The following FAM193A variants were observed in gnomAD, a reference collection of about 807,000 sequenced individuals.
FAM193A encodes protein FAM193A.
FAM193A carries 22 observed loss-of-function variants against 126.5 expected under a neutral mutation model. The ratio of observed to expected loss-of-function variants is 0.17; its 90% CI spans 0.12 to 0.25. The LOEUF (loss-of-function observed/expected upper bound fraction) is 0.25, where lower values mean the gene tolerates loss of function less well. Among genes scored for constraint, FAM193A ranks in the 10% least tolerant of loss-of-function variants. The pLI is 1.00. For synonymous variants in FAM193A, 761 were observed against 646.8 expected (o/e 1.18, Z -2.68); for missense variants, 1,675 against 1,672.8 (o/e 1.00, Z -0.02).
chr4:2,659,494 AAAT>A, intron 8 of FAM193A, 61 bp from the exon 9 acceptor site: 2 of 1,144,998 alleles, frequency 1.7e-6, no homozygotes, highest in South Asian at 1.3e-5. Context: ...AATTACTGAA[AAAT>A]AATGAGCCAT....
intron 1 of FAM193A, among the ~76,000 whole-genome samples, chr4:2,590,897 C>T (rs868049771): frequency 3.3e-5 from 5 of 151,840 alleles, no homozygotes; most frequent in East Asian, 1.9e-4. Context: ...CGTGGTGGCG[C>T]GCGCCTGTAA....
At chr4:2,561,040 TCTC>T (rs1193845882) in intron 1 of FAM193A, among the ~76,000 whole-genome samples, 5 of 152,216 alleles carry the variant, frequency 3.3e-5, no homozygotes, top group South Asian at 2.1e-4. Context: ...CCATTGTAGT[TCTC>T]CTCCTGACTC....
At chr4:2,625,231 A>G in intron 2 of FAM193A, 31 bp from the exon 3 acceptor site, 4 of 654,932 alleles carry the variant, frequency 6.1e-6, no homozygotes, top group Non-Finnish European at 8.4e-6. Flanking sequence ...TTTTAACATA[A>G]CTGGTCTATT....
At chr4:2,554,734 G>A (rs1394264006) in intron 1 of FAM193A, among the ~76,000 whole-genome samples, 1 of 151,994 alleles carries the variant, frequency 6.6e-6, no homozygotes, top group African/African-American at 2.4e-5. Flanking sequence ...TTTAGCTTTT[G>A]CTTCATGTAT....
intron 2 of FAM193A, among the ~76,000 whole-genome samples, chr4:2,614,106 G>A (rs1008063452): frequency 3.3e-5 from 5 of 152,040 alleles, no homozygotes; most frequent in African/African-American, 9.7e-5. Flanking sequence ...TGATCATGTC[G>A]TCTACAAATA....
At chr4:2,623,158 C>G (rs1241373992) in intron 2 of FAM193A, among the ~76,000 whole-genome samples, 2 of 152,072 alleles carry the variant, frequency 1.3e-5, no homozygotes, top group Non-Finnish European at 2.9e-5. Flanking sequence ...CTGGCGGCAG[C>G]TGAGCTGGGT....
chr4:2,613,044 C>G (rs1741970880), intron 2 of FAM193A, among the ~76,000 whole-genome samples: 1 of 152,140 alleles, frequency 6.6e-6, no homozygotes, highest in South Asian at 2.1e-4. Context: ...GTCTTCAAGT[C>G]TATGAATATG....
At chr4:2,662,654 C>T (rs1340606954) in intron 10 of FAM193A, among the ~76,000 whole-genome samples, 184 bp from the exon 11 acceptor site, 2 of 152,112 alleles carry the variant, frequency 1.3e-5, no homozygotes. Context: ...AAATGTTAAT[C>T]TTCCAAGCAT....
chr4:2,699,603 AT>A, intron 18 of FAM193A, 76 bp from the exon 19 acceptor site: 2 of 1,440,550 alleles, frequency 1.4e-6, no homozygotes, highest in Non-Finnish European at 1.9e-6. Context: ...CGTTTTTGAA[AT>A]TATCTTAGTT....
At chr4:2,606,025 T>A (rs1298561914) in intron 2 of FAM193A, among the ~76,000 whole-genome samples, 2 of 147,460 alleles carry the variant, frequency 1.4e-5, no homozygotes, top group Admixed American at 1.3e-4. Context: ...GTGGCCGTGT[T>A]TTGTATATTT....
At chr4:2,681,972 GT>G (rs1179426155) in intron 13 of FAM193A, among the ~76,000 whole-genome samples, 89 of 129,130 alleles carry the variant, frequency 6.9e-4, no homozygotes, top group Non-Finnish European at 1.1e-3. Context: ...ACTTCTCAGG[GT>G]TTTTTTTTTT....
chr4:2,680,181 C>G lies in FAM193A; in HGVS notation c.2331+7809C>G, dbSNP rs558254061. Among the ~76,000 whole-genome samples, 3 of 152,088 alleles carry G rather than the reference C, an allele frequency of 2.0e-5. No individual in the cohort carries two copies. In the South Asian group the frequency reaches 6.2e-4, roughly 32 times the overall value. On this transcript the variant is annotated intron_variant, in intron 13 of 20. Transcript: ENST00000637812. ...CAGCCTATTGGGTGGTTTTTGATTACCAGTTCAATCTCCTTACTAGTTACA... is the reference window on the plus strand; with the variant it reads ...CAGCCTATTGGGTGGTTTTTGATTAGCAGTTCAATCTCCTTACTAGTTACA...
intron 1 of FAM193A, among the ~76,000 whole-genome samples, chr4:2,541,085 A>G (rs1737206052): frequency 6.6e-6 from 1 of 152,120 alleles, no homozygotes. Context: ...AGCCTGAGAA[A>G]CATGGAGAAA....
intron 1 of FAM193A, among the ~76,000 whole-genome samples, chr4:2,540,158 G>A (rs1450646331): frequency 6.7e-6 from 1 of 149,862 alleles, no homozygotes; most frequent in Non-Finnish European, 1.5e-5. Flanking sequence ...GACACGGTGA[G>A]ACCTCATCTC....
At position 2,626,503 on chromosome 4, in the gene FAM193A, A is replaced by G; in HGVS notation, c.729A>G (p.Ala243=). 1.4e-6 allele frequency: 1 copy of G among 702,574 alleles called. No homozygotes were observed. Among genetic ancestry groups the G allele is most frequent in the Non-Finnish European group, 2.6e-6 (1 of 384,964 alleles). The allele number at this position is 702,574 out of a possible 1,614,324, so 43.5% of individuals were successfully genotyped here. ...CGGTGCGCTGCATCTACCGCCAGGC[A>G]GGAACCCCGCTGGCAGATGACCAGG... ...RYTVRCIYRQ[A]GTPLADDQDQ... The change falls in exon 4 of 21, where the codon GCA becomes GCG. Residue 243 remains alanine, a synonymous_variant. Transcript: ENST00000637812.
intron 1 of FAM193A, among the ~76,000 whole-genome samples, chr4:2,538,768 A>G (rs181914011): frequency 3.3e-5 from 5 of 152,270 alleles, no homozygotes; most frequent in East Asian, 1.9e-4. Flanking sequence ...ATTCATTTCT[A>G]TTGATTCAAT....
intron 13 of FAM193A, among the ~76,000 whole-genome samples, chr4:2,681,578 A>G (rs967871694): frequency 1.3e-5 from 2 of 151,890 alleles, no homozygotes; most frequent in African/African-American, 4.8e-5. Context: ...ATAGTCTCGT[A>G]GCTTGGACTA....
At chr4:2,542,038 C>T (rs1737266603) in intron 1 of FAM193A, among the ~76,000 whole-genome samples, 1 of 149,216 alleles carries the variant, frequency 6.7e-6, no homozygotes, top group Non-Finnish European at 1.5e-5. Context: ...TTTTTCAAGA[C>T]AGAGTCTCAC....
chr4:2,679,375 CTTTTTT>C (rs796366785), intron 13 of FAM193A, among the ~76,000 whole-genome samples: 5 of 87,896 alleles, frequency 5.7e-5, no homozygotes, highest in East Asian at 7.6e-4. Flanking sequence ...AGTTTTCTTT[CTTTTTT>C]TTTTTTTTTT....
Sources: allele counts gnomAD v4.1 joint callset (sites outside exome capture counted in the v4.1 genomes callset), GRCh38; gene constraint gnomAD v4.1.1; transcripts MANE v1.5; gene names NCBI Gene and HGNC (gene_info 2026-07-23, HGNC 2026-07-21).